Variants in XK observed in about 807,000 individuals in gnomAD.
XK encodes the protein X-linked Kx blood group antigen, Kell and VPS13A binding protein, also known as endoplasmic reticulum membrane adapter protein XK.
Under a neutral mutation model 14.0 loss-of-function variants are expected in XK, and 2 were observed. The ratio of observed to expected loss-of-function variants is 0.14; its 90% CI spans 0.06 to 0.45. XK has a LOEUF of 0.45. XK is among the 20% of genes least tolerant of loss of function. The probability of loss-of-function intolerance (pLI) is 0.98; values close to 1 mark genes in which losing one functional copy is unlikely to be tolerated. For synonymous variants in XK, 149 were observed against 147.5 expected (o/e 1.01, Z -0.08); for missense variants, 235 against 341.5 (o/e 0.69, Z 2.46).
At chrX:37,722,051 T>C (rs782404872) in intron 2 of XK, among the ~76,000 whole-genome samples, 7 of 111,540 alleles carry the variant, frequency 6.3e-5, no homozygotes, top group Non-Finnish European at 1.3e-4. Context: ...GGGGGCAAAA[T>C]TGATAGCTAA....
In XK at chrX:37,706,603, C is replaced by CTT. The variant is rs56688156; in HGVS notation, c.508+12063_508+12064dup. ...TGCAGGTGGGCCCAGGACAAATGTT[C>CTT]TTTTTTTTTAAAATTAATTAATTAA... On this transcript the variant is annotated intron_variant, in intron 2 of 2. Coordinates refer to ENST00000378616, the MANE Select transcript of XK (RefSeq NM_021083.4). Among the ~76,000 whole-genome samples, 784 of 105,732 alleles carry CTT rather than the reference C, an allele frequency of 7.4e-3. 6 individuals are homozygous for CTT. The highest frequency in any genetic ancestry group is 0.026 in the African/African-American group (752 of 28,531). 91.8% of individuals were successfully genotyped at this position (105,732 alleles called of 115,157 possible).
At chrX:37,726,142 T>C (rs1556449953) in intron 2 of XK, among the ~76,000 whole-genome samples, 1 of 111,163 alleles carries the variant, frequency 9.0e-6, no homozygotes, top group Non-Finnish European at 1.9e-5. Context: ...TCTGTCAGTA[T>C]AGGTTCATCA....
intron 2 of XK, among the ~76,000 whole-genome samples, chrX:37,711,158 T>A (rs1329595931): frequency 8.9e-6 from 1 of 112,189 alleles, no homozygotes; most frequent in Non-Finnish European, 1.9e-5. Context: ...CTGTGGGGCA[T>A]CTAAAAGAAG....
Position 37,728,570 on chromosome X carries a change from T to A in XK, c.*108T>A. The stretch of plus-strand genomic sequence containing the variant: ...GGGAACAAGGCAGGAAGTTAGCTGT[T>A]AACTCCTTGTGAGCTGCTTCTCTTT... On this transcript the variant is annotated 3_prime_UTR_variant, in exon 3 of 3. Transcript: ENST00000378616. 1 of 802,777 alleles carries A rather than the reference T, an allele frequency of 1.2e-6. No homozygotes were observed. The highest frequency in any genetic ancestry group is 1.8e-6 in the Non-Finnish European group (1 of 543,679). 66.2% of individuals were successfully genotyped at this position (802,777 alleles called of 1,213,427 possible).
chrX:37,693,218 C>A lies in XK; in HGVS notation c.246-1068C>A, dbSNP rs144463601. ...ATGAAATAGATTAAGCCATTAAAAT[C>A]TTCTGGCAGCATCATAAGGTTGTTA... On this transcript the variant is annotated intron_variant, in intron 1 of 2. Coordinates refer to ENST00000378616, the MANE Select transcript of XK (RefSeq NM_021083.4). Among the ~76,000 whole-genome samples, 354 of 111,903 alleles carry A rather than the reference C, an allele frequency of 3.2e-3. 1 individual carries two copies. The highest frequency in any genetic ancestry group is 0.011 in the African/African-American group (341 of 30,810).
intron 2 of XK, among the ~76,000 whole-genome samples, chrX:37,713,255 G>C (rs781826086): frequency 1.8e-4 from 20 of 111,833 alleles, no homozygotes; most frequent in Non-Finnish European, 3.0e-4. Context: ...CTGAGGGCTG[G>C]AGGCCTTGGT....
intron 1 of XK, 129 bp from the exon 2 acceptor site, chrX:37,694,157 G>C: frequency 1.1e-6 from 1 of 880,048 alleles, no homozygotes; most frequent in Non-Finnish European, 1.6e-6. Flanking sequence ...AGTTGATTTA[G>C]AAGAGTGACT....
chrX:37,688,301 C>T (rs185806107), intron 1 of XK, among the ~76,000 whole-genome samples: 3,635 of 109,701 alleles, frequency 0.033, 149 homozygotes, highest in African/African-American at 0.11. Flanking sequence ...CTCTTGACCT[C>T]GTGATCCGCC....
At chrX:37,689,389 C>T (rs1927162287) in intron 1 of XK, among the ~76,000 whole-genome samples, 1 of 112,449 alleles carries the variant, frequency 8.9e-6, no homozygotes, top group African/African-American at 3.2e-5. Flanking sequence ...TTATTTCCCT[C>T]AAACAAAGGA....
At chrX:37,697,858 C>A (rs1927332310) in intron 2 of XK, among the ~76,000 whole-genome samples, 1 of 112,145 alleles carries the variant, frequency 8.9e-6, no homozygotes, top group South Asian at 3.7e-4. Flanking sequence ...GCCTACTAAT[C>A]TACTTCCTGT....
intron 2 of XK, among the ~76,000 whole-genome samples, chrX:37,723,201 C>G (rs1324556076): frequency 9.0e-6 from 1 of 111,670 alleles, no homozygotes; most frequent in Non-Finnish European, 1.9e-5. Flanking sequence ...ATAGGCAGTA[C>G]TGCCAATTTA....
Position 37,685,836 on chromosome X carries a change from C to A in XK, c.-126C>A, listed in dbSNP as rs782184749. On this transcript the variant is annotated 5_prime_UTR_variant, in exon 1 of 3. Coordinates refer to ENST00000378616, the MANE Select transcript of XK (RefSeq NM_021083.4). ...GGGCCCGCGTGCCCTCGGCGGGCTG[C>A]GCAGAGCGCGGGAGCGGTTTGGGGC... 1.7e-5 allele frequency: 12 copies of A among 716,703 alleles called. No homozygotes were observed. The African/African-American group carries it at 2.6e-4, about 16-fold the overall frequency. The allele number at this position is 716,703 out of a possible 1,213,427, so 59.1% of individuals were successfully genotyped here. A position where few individuals can be genotyped will look rare whatever the true frequency, so the allele number is the denominator to read the frequency against.
rs138602988 is a variant in XK at position 37,694,490 on chromosome X, C to A, written c.450C>A (p.Pro150=). 9 of 1,189,719 alleles carry A rather than the reference C, an allele frequency of 7.6e-6. No homozygotes were observed. The highest frequency in any genetic ancestry group is 4.6e-4 in the Middle Eastern group (2 of 4,338). Residue 150 remains proline, a synonymous_variant, in exon 2 of 3, where the codon CCC becomes CCA. Transcript: ENST00000378616. ...TCCAGGCTTTCTTGGGCTCAGCCCC[C>A]CAGCTGACCCTACAGCTGTACATAA... ...SVIQAFLGSA[P]QLTLQLYISV... is the part of the protein sequence containing the mutation.
intron 1 of XK, among the ~76,000 whole-genome samples, chrX:37,687,223 ACACG>A (rs1453282041): frequency 1.9e-5 from 2 of 106,646 alleles, no homozygotes; most frequent in East Asian, 2.9e-4. Context: ...ACACACACAC[ACACG>A]CACACACACA....
Position 37,727,694 on chromosome X carries a change from C to G in XK, c.567C>G (p.Ile189Met). 1.7e-6 allele frequency: 2 copies of G among 1,211,135 alleles called. No individual in the cohort carries two copies. Among genetic ancestry groups the G allele is most frequent in the Non-Finnish European group, 2.2e-6 (2 of 895,315 alleles). ...TGTATGGAGCCTTGCGCTGCAACAT[C>G]CTAGCCATCAAAATCAAGTACGATG... is the stretch of plus-strand genomic sequence containing the variant. ...SIVYGALRCN[I>M]LAIKIKYDEY... is the part of the protein sequence containing the mutation. The change falls in exon 3 of 3, where the codon ATC (isoleucine) becomes ATG (methionine). Residue 189 changes from isoleucine to methionine, a missense_variant. Ile to Met is a conservative substitution (Grantham distance 10). Coordinates refer to ENST00000378616, the MANE Select transcript of XK (RefSeq NM_021083.4).
In XK at chrX:37,727,638, C is replaced by T. The variant is rs1556450298; in HGVS notation, c.511C>T (p.Leu171Phe). The change falls in exon 3 of 3, where the codon CTC (leucine) becomes TTC (phenylalanine). Residue 171 changes from leucine to phenylalanine, a missense_variant and splice_region_variant. Coordinates refer to ENST00000378616, the MANE Select transcript of XK (RefSeq NM_021083.4). ...GATACTCTCTCTTTTCTCCCCAGGT[C>T]TCCTCATGACCATATCCCTGTTGTC... ...MQQDVTVGRS[L>F]LMTISLLSIV... The T allele has an allele frequency of 8.3e-7, 1 of 1,206,357 alleles. No homozygotes were observed. The highest frequency in any genetic ancestry group is 1.8e-5 in the South Asian group (1 of 56,857).
rs192662763 is a variant in XK at position 37,722,490 on chromosome X, A to T, written c.509-5146A>T. Among the ~76,000 whole-genome samples the T allele has an allele frequency of 2.9e-4, 32 of 111,944 alleles. No individual in the cohort carries two copies. In the East Asian group the frequency reaches 8.2e-3, roughly 29 times the overall value. The stretch of plus-strand genomic sequence containing the variant: ...CGTAAGAAAGACTCTTTGTTCACTG[A>T]GTTGAAAGAAAACAGATAAAAATTA... On this transcript the variant is annotated intron_variant, in intron 2 of 2. Transcript: ENST00000378616.
chrX:37,695,326 A>G (rs1927287503), intron 2 of XK, among the ~76,000 whole-genome samples: 1 of 112,003 alleles, frequency 8.9e-6, no homozygotes, highest in South Asian at 3.7e-4. Flanking sequence ...GAACAAGGCC[A>G]CTTTCCTGTC....
chrX:37,714,969 C>A (rs1927737031), intron 2 of XK, among the ~76,000 whole-genome samples: 1 of 110,485 alleles, frequency 9.1e-6, no homozygotes, highest in Non-Finnish European at 1.9e-5. Flanking sequence ...TCGTCTACAG[C>A]CCTGTTGGTG....
Sources: gnomAD v4.1 joint callset for allele counts (sites outside exome capture counted in the v4.1 genomes callset) on GRCh38, gnomAD v4.1.1 for gene constraint, MANE v1.5 for transcripts, NCBI Gene and HGNC (gene_info 2026-07-23, HGNC 2026-07-21) for gene names.